The following TYW1B variants were observed in gnomAD, a reference collection of about 807,000 sequenced individuals.
The protein encoded by TYW1B is tRNA-yW synthesizing protein 1 homolog B, also known as S-adenosyl-L-methionine-dependent tRNA 4-demethylwyosine synthase TYW1B.
A neutral mutation model predicts 86.9 loss-of-function variants in TYW1B; 73 were observed. That is an observed-to-expected ratio of 0.84 (90% CI 0.70 to 1.02). The LOEUF (loss-of-function observed/expected upper bound fraction) is 1.02, where lower values mean the gene tolerates loss of function less well. TYW1B is among the 50% of genes least tolerant of loss of function. The pLI is 0.00. For missense variants in TYW1B, 637 were observed against 827.4 expected, an observed-to-expected ratio of 0.77 and a Z score of 2.82; for synonymous variants, 248 against 292.8, an observed-to-expected ratio of 0.85 and a Z score of 1.56.
Position 72,710,236 on chromosome 7 carries a change from C to T in TYW1B, c.1370+3385G>A, listed in dbSNP as rs376701097. 5.3e-5 allele frequency among the ~76,000 whole-genome samples: 8 copies of T among 152,082 alleles called. No individual in the cohort carries two copies. In the East Asian group the frequency reaches 7.7e-4, roughly 15 times the overall value. ...ATTCCATTCTTTTTGGGGATATATGCCTTTAATTTAAGACAGACTCCCTTT... is the reference window on the plus strand; with the variant it reads ...ATTCCATTCTTTTTGGGGATATATGTCTTTAATTTAAGACAGACTCCCTTT... On this transcript the variant is annotated intron_variant, in intron 10 of 13. Coordinates refer to ENST00000620995, the MANE Select transcript of TYW1B (RefSeq NM_001145440.3).
chr7:72,710,310 C>T (rs35949312), intron 10 of TYW1B, among the ~76,000 whole-genome samples: 1 of 152,192 alleles, frequency 6.6e-6, no homozygotes, highest in Non-Finnish European at 1.5e-5. Flanking sequence ...TCCCGCACAT[C>T]AGCCATGTGA....
intron 7 of TYW1B, among the ~76,000 whole-genome samples, chr7:72,755,735 T>C (rs149071067): frequency 6.6e-6 from 1 of 151,890 alleles, no homozygotes; most frequent in Non-Finnish European, 1.5e-5. Context: ...GGAAAAGGAG[T>C]GAAAAACAGG....
intron 5 of TYW1B, among the ~76,000 whole-genome samples, chr7:72,804,983 T>C (rs1266569315): frequency 6.6e-6 from 1 of 152,140 alleles, no homozygotes; most frequent in African/African-American, 2.4e-5. Flanking sequence ...ACCTATTTCG[T>C]CTTCACATCA....
At chr7:72,820,170 G>A (rs1788802121) in intron 2 of TYW1B, among the ~76,000 whole-genome samples, 1 of 152,138 alleles carries the variant, frequency 6.6e-6, no homozygotes, top group African/African-American at 2.4e-5. Context: ...AGCTACTCGG[G>A]AGGCTGAGGC....
Position 72,625,058 on chromosome 7 carries a change from C to CA in TYW1B, c.1617+3828dup, listed in dbSNP as rs57613692. ...TGGGAGACAGAGTAAGAACCTGTCTCAAAAAAAAAAAAAAAAATTTAATTG... is the reference window on the plus strand; with the variant it reads ...TGGGAGACAGAGTAAGAACCTGTCTCAAAAAAAAAAAAAAAAAATTTAATTG... On this transcript the variant is annotated intron_variant, in intron 12 of 13. Transcript: ENST00000620995. Among the ~76,000 whole-genome samples the CA allele has an allele frequency of 3.3e-3, 413 of 126,502 alleles. 2 individuals are homozygous for CA. Among genetic ancestry groups the CA allele is most frequent in the Middle Eastern group, 0.022 (5 of 230 alleles). The allele number at this position is 126,502 out of a possible 152,430, so 83.0% of individuals were successfully genotyped here. A position where few individuals can be genotyped will look rare whatever the true frequency, so the allele number is the denominator to read the frequency against.
At chr7:72,652,376 T>TAA (rs1813083453) in intron 11 of TYW1B, among the ~76,000 whole-genome samples, 1 of 23,534 alleles carries the variant, frequency 4.2e-5, no homozygotes, top group Non-Finnish European at 9.9e-5. Context: ...AGACTCTGTC[T>TAA]GAAAAAAAAA....
At chr7:72,772,529 C>T (rs1195189523) in intron 7 of TYW1B, among the ~76,000 whole-genome samples, 2 of 152,014 alleles carry the variant, frequency 1.3e-5, no homozygotes, top group Non-Finnish European at 1.5e-5. Flanking sequence ...ACATCTTAAA[C>T]GTGAATTCTC....
At chr7:72,661,345 T>C in intron 11 of TYW1B, among the ~76,000 whole-genome samples, 1 of 151,378 alleles carries the variant, frequency 6.6e-6, no homozygotes, top group East Asian at 1.9e-4. Context: ...AGCACGAAAT[T>C]CTCTGGGTTT....
At chr7:72,645,874 A>G (rs1318284331) in intron 11 of TYW1B, among the ~76,000 whole-genome samples, 2 of 151,402 alleles carry the variant, frequency 1.3e-5, no homozygotes, top group Admixed American at 1.3e-4. Context: ...CCAGCAGCTC[A>G]TGTAAGACCT....
chr7:72,753,442 A>G (rs1787534102), intron 7 of TYW1B, among the ~76,000 whole-genome samples: 2 of 152,190 alleles, frequency 1.3e-5, no homozygotes, highest in African/African-American at 4.8e-5. Context: ...ACCAGCAAAA[A>G]GACTATGACT....
At chr7:72,637,046 C>A (rs1812685538) in intron 11 of TYW1B, among the ~76,000 whole-genome samples, 1 of 152,026 alleles carries the variant, frequency 6.6e-6, no homozygotes, top group Non-Finnish European at 1.5e-5. Context: ...CGTGATTGAG[C>A]CCAGGAGGTG....
At chr7:72,774,381 G>GAAA (rs35641958) in intron 7 of TYW1B, among the ~76,000 whole-genome samples, 163 of 124,894 alleles carry the variant, frequency 1.3e-3, no homozygotes, top group Admixed American at 1.9e-3. Context: ...TGTCCCAGGG[G>GAAA]AAAAAAAAAA....
rs1554451101 is a variant in TYW1B at position 72,694,737 on chromosome 7, T to G, written c.1456A>C (p.Lys486Gln). Residue 486 changes from lysine to glutamine, a missense_variant, in exon 11 of 14, where the codon AAG (lysine) becomes CAG (glutamine). Transcript: ENST00000620995. Reference sequence around the variant, plus strand: ...TCAAGGAATTGCTGCCAGAAATCCTTGAAGAGTGGGCGGTCGATTTTCTTC... The same window carrying G: ...TCAAGGAATTGCTGCCAGAAATCCTGGAAGAGTGGGCGGTCGATTTTCTTC... ...SLKKIDRPLF[K>Q]DFWQQFLDSL... is the part of the protein sequence containing the mutation. 6.2e-7 allele frequency: 1 copy of G among 1,613,924 alleles called. No homozygotes were observed. Among genetic ancestry groups the G allele is most frequent in the Non-Finnish European group, 8.5e-7 (1 of 1,179,942 alleles).
chr7:72,820,456 GC>G (rs1554480271), intron 2 of TYW1B, among the ~76,000 whole-genome samples: 1 of 152,156 alleles, frequency 6.6e-6, no homozygotes, highest in Non-Finnish European at 1.5e-5. Context: ...ACTGTTATGG[GC>G]CACCATAAAA....
intron 2 of TYW1B, among the ~76,000 whole-genome samples, chr7:72,817,499 A>G (rs1466331110): frequency 1.6e-4 from 25 of 152,154 alleles, no homozygotes; most frequent in Non-Finnish European, 3.2e-4. Context: ...TCCCCTCCAA[A>G]TATCATTAAC....
intron 8 of TYW1B, among the ~76,000 whole-genome samples, chr7:72,740,604 A>T (rs1554462016): frequency 1.3e-5 from 2 of 152,024 alleles, no homozygotes; most frequent in African/African-American, 4.8e-5. Context: ...TAAAATCTTT[A>T]CAAGCATAGT....
intron 7 of TYW1B, among the ~76,000 whole-genome samples, chr7:72,756,079 G>A (rs781937721): frequency 5.9e-5 from 9 of 152,188 alleles, no homozygotes; most frequent in Non-Finnish European, 1.2e-4. Context: ...GTGAAACATA[G>A]TCAGCAGAAG....
At chr7:72,698,316 C>G (rs1175206255) in intron 10 of TYW1B, among the ~76,000 whole-genome samples, 2 of 152,046 alleles carry the variant, frequency 1.3e-5, no homozygotes, top group East Asian at 3.9e-4. Context: ...AGCTGAGGTT[C>G]AAAAGGTTAA....
At chr7:72,618,352 G>T (rs1322916226) in intron 12 of TYW1B, among the ~76,000 whole-genome samples, 1 of 151,408 alleles carries the variant, frequency 6.6e-6, no homozygotes, top group Non-Finnish European at 1.5e-5. Flanking sequence ...AAGTAGCTGG[G>T]AATACAGGCA....
Sources: allele counts gnomAD v4.1 joint callset (sites outside exome capture counted in the v4.1 genomes callset), GRCh38; gene constraint gnomAD v4.1.1; transcripts MANE v1.5; gene names NCBI Gene and HGNC (gene_info 2026-07-23, HGNC 2026-07-21).